MASP1: variants seen among roughly 807,000 people sequenced by gnomAD.
The protein encoded by MASP1 is MBL associated serine protease 1.
MASP1 carries 59 observed loss-of-function variants against 77.1 expected under a neutral mutation model. The ratio of observed to expected loss-of-function variants is 0.77; its 90% CI spans 0.62 to 0.95. The LOEUF (loss-of-function observed/expected upper bound fraction) is 0.95. Ranked by LOEUF, MASP1 falls within the 40% of genes least tolerant of loss-of-function variation. The probability of loss-of-function intolerance (pLI) is 0.00; values close to 1 mark genes in which losing one functional copy is unlikely to be tolerated. For missense variants in MASP1, 885 were observed against 912.9 expected, an observed-to-expected ratio of 0.97 and a Z score of 0.39; for synonymous variants, 362 against 354.5, an observed-to-expected ratio of 1.02 and a Z score of -0.24.
At chr3:187,270,074 C>A (rs1716391887) in intron 2 of MASP1, among the ~76,000 whole-genome samples, 2 of 152,252 alleles carry the variant, frequency 1.3e-5, no homozygotes, top group South Asian at 4.1e-4. Flanking sequence ...TCTTCCATTT[C>A]TGCACACAGA....
At chr3:187,288,788 A>G in intron 1 of MASP1, among the ~76,000 whole-genome samples, 1 of 152,176 alleles carries the variant, frequency 6.6e-6, no homozygotes, top group East Asian at 1.9e-4. Flanking sequence ...CGGTTCTGTC[A>G]AGGACTGGCA....
At chr3:187,259,768 T>G (rs1280689795) in intron 4 of MASP1, among the ~76,000 whole-genome samples, 1 of 152,216 alleles carries the variant, frequency 6.6e-6, no homozygotes, top group African/African-American at 2.4e-5. Context: ...AATAGCAGGT[T>G]TTGAAGGAGG....
In MASP1 at chr3:187,260,865, G is replaced by A. The variant is rs764740497; in HGVS notation, c.423C>T (p.Asp141=). The change falls in exon 4 of 11, where the codon GAC becomes GAT. Residue 141 remains aspartate, a synonymous_variant. Coordinates refer to ENST00000296280, the MANE Select transcript of MASP1 (RefSeq NM_139125.4). ...FDAHYMAVDV[D]ECKEREDEEL... is the part of the protein sequence containing the mutation. The stretch of plus-strand genomic sequence containing the variant: ...CCTCGTCCTCCCTCTCCTTGCACTC[G>A]TCCACATCTGTAGGGCAGGTAAAGC... 28 of 1,613,952 alleles carry A rather than the reference G, an allele frequency of 1.7e-5. No individual in the cohort carries two copies. The highest frequency in any genetic ancestry group is 3.3e-5 in the Admixed American group (2 of 59,998).
intron 2 of MASP1, among the ~76,000 whole-genome samples, chr3:187,273,647 G>A (rs762471513): frequency 2.0e-5 from 3 of 152,176 alleles, no homozygotes; most frequent in Non-Finnish European, 4.4e-5. Context: ...GCCCAGTCCT[G>A]CTACTTCACC....
At chr3:187,217,643 T>C (rs905911653) in exon 16 of MASP1, 5 of 152,246 alleles carry the variant, frequency 3.3e-5, no homozygotes, top group Non-Finnish European at 7.3e-5. Context: ...GACAAGGTTG[T>C]TGTCCTCACA....
In MASP1 at chr3:187,286,014, C is replaced by T. The variant is rs1717829014; in HGVS notation, c.48G>A (p.Lys16=). The part of the protein sequence containing the change: ...LYYALCFSLS[K]ASAHTVELNN... The stretch of plus-strand genomic sequence containing the variant: ...TTAGCTCCACGGTGTGGGCTGAAGC[C>T]TTTGACAGGGAGAAGCACAGAGCAT... The change falls in exon 2 of 11, where the codon AAG becomes AAA. Residue 16 remains lysine (K), a synonymous_variant. Coordinates refer to ENST00000296280, the MANE Select transcript of MASP1 (RefSeq NM_139125.4). The T allele has an allele frequency of 1.2e-6, 2 of 1,614,180 alleles. No homozygotes were observed. The highest frequency in any genetic ancestry group is 1.1e-5 in the South Asian group (1 of 91,078).
At chr3:187,268,630 A>C (rs1716258322) in intron 2 of MASP1, among the ~76,000 whole-genome samples, 1 of 152,232 alleles carries the variant, frequency 6.6e-6, no homozygotes, top group South Asian at 2.1e-4. Flanking sequence ...TCTAGACAGA[A>C]TGTTGAAAGT....
At chr3:187,222,996 G>A in intron 14 of MASP1, 1 of 767,498 alleles carries the variant, frequency 1.3e-6, no homozygotes, top group Non-Finnish European at 2.3e-6. Context: ...TTGGAGGTGG[G>A]TCTGGGCTCC....
chr3:187,259,582 G>T (rs922406676), intron 4 of MASP1, among the ~76,000 whole-genome samples: 3 of 152,078 alleles, frequency 2.0e-5, no homozygotes, highest in Non-Finnish European at 4.4e-5. Flanking sequence ...ACCTTGCTCT[G>T]CCCTAAGCAT....
intron 2 of MASP1, among the ~76,000 whole-genome samples, chr3:187,272,224 A>G (rs1235909893): frequency 1.3e-5 from 2 of 152,250 alleles, no homozygotes; most frequent in African/African-American, 4.8e-5. Flanking sequence ...AAAGGTTGCA[A>G]TAAGAACATC....
chr3:187,257,180 G>GGGAT (rs1715162684), intron 4 of MASP1, among the ~76,000 whole-genome samples: 2 of 151,968 alleles, frequency 1.3e-5, no homozygotes, highest in Admixed American at 1.3e-4. Context: ...AGTGGTCAGG[G>GGGAT]GGATGCCTGG....
chr3:187,234,476 A>G lies in MASP1; in HGVS notation c.*1208T>C. 7.8e-7 allele frequency: 1 copy of G among 1,286,162 alleles called. No individual in the cohort carries two copies. Among genetic ancestry groups the G allele is most frequent in the Non-Finnish European group, 1.0e-6 (1 of 987,690 alleles). 79.7% of individuals were successfully genotyped at this position (1,286,162 alleles called of 1,614,324 possible). A position where few individuals can be genotyped will look rare whatever the true frequency, so the allele number is the denominator to read the frequency against. ...CGGAGAACCAGAGACTCAGACAAAG[A>G]AAATGATTTTTCAAAGGTTATACAG... On this transcript the variant is annotated 3_prime_UTR_variant, in exon 11 of 11. Coordinates refer to ENST00000296280, the MANE Select transcript of MASP1 (RefSeq NM_139125.4).
At chr3:187,283,488 A>G (rs536197535) in intron 2 of MASP1, among the ~76,000 whole-genome samples, 1 of 152,338 alleles carries the variant, frequency 6.6e-6, no homozygotes, top group South Asian at 2.1e-4. Context: ...TCTGTCTGAA[A>G]AAGAATCAAA....
chr3:187,248,859 G>T (rs1484380884), intron 8 of MASP1, among the ~76,000 whole-genome samples: 1 of 152,170 alleles, frequency 6.6e-6, no homozygotes, highest in East Asian at 1.9e-4. Context: ...AAAAGGAAAA[G>T]AACAATCGTA....
chr3:187,260,557 C>G (rs944674008), intron 4 of MASP1, among the ~76,000 whole-genome samples, 184 bp downstream of exon 4: 1 of 152,208 alleles, frequency 6.6e-6, no homozygotes, highest in African/African-American at 2.4e-5. Flanking sequence ...CCTTTGGGAA[C>G]CCAAGATCAG....
chr3:187,238,218 G>A (rs571889844), intron 10 of MASP1, among the ~76,000 whole-genome samples: 1 of 152,328 alleles, frequency 6.6e-6, no homozygotes, highest in South Asian at 2.1e-4. Context: ...GGTGCCAGTG[G>A]CACACTGCAG....
rs990217987 is a variant in MASP1 at position 187,234,604 on chromosome 3, G to A, written c.*1080C>T. On this transcript the variant is annotated 3_prime_UTR_variant, in exon 11 of 11. Coordinates refer to ENST00000296280, the MANE Select transcript of MASP1 (RefSeq NM_139125.4). ...TCCTTTGACTCTGAAAAATGAAGGA[G>A]TGGGTCCCTCTGAACATCCTGCGGG... 54 of 1,287,092 alleles carry A rather than the reference G, an allele frequency of 4.2e-5. No homozygotes were observed. The highest frequency in any genetic ancestry group is 1.4e-4 in the African/African-American group (9 of 65,790). 79.7% of individuals were successfully genotyped at this position (1,287,092 alleles called of 1,614,324 possible).
chr3:187,224,863 G>A (rs1437358078), intron 13 of MASP1, among the ~76,000 whole-genome samples: 1 of 152,244 alleles, frequency 6.6e-6, no homozygotes, highest in Admixed American at 6.5e-5. Context: ...ATTGTTTCCA[G>A]CTGTTTTCCT....
intron 10 of MASP1, among the ~76,000 whole-genome samples, chr3:187,240,498 A>G (rs1713544332): frequency 6.6e-6 from 1 of 152,144 alleles, no homozygotes. Flanking sequence ...AATGTAAATT[A>G]CTATGTTGTG....
Sources: gnomAD v4.1 joint callset for allele counts (sites outside exome capture counted in the v4.1 genomes callset) on GRCh38, gnomAD v4.1.1 for gene constraint, MANE v1.5 for transcripts, NCBI Gene and HGNC (gene_info 2026-07-23, HGNC 2026-07-21) for gene names.